CNTN3: variants seen among roughly 807,000 people sequenced by gnomAD.
The protein encoded by CNTN3 is contactin 3, also known as contactin-3.
A neutral mutation model predicts 119.1 loss-of-function variants in CNTN3; 60 were observed. The ratio of observed to expected loss-of-function variants is 0.50; its 90% confidence interval spans 0.41 to 0.62. CNTN3 has a LOEUF of 0.62. CNTN3 is among the 20% of genes least tolerant of loss of function. The pLI, the probability that CNTN3 is intolerant of heterozygous loss-of-function variation, is 0.00. For missense variants in CNTN3, 1,101 were observed against 1,242.4 expected, an observed-to-expected ratio of 0.89 and a Z score of 1.71; for synonymous variants, 450 against 438.7, an observed-to-expected ratio of 1.03 and a Z score of -0.32.
At chr3:74,499,222 T>C (rs928023852) in intron 3 of CNTN3, among the ~76,000 whole-genome samples, 8 of 151,902 alleles carry the variant, frequency 5.3e-5, no homozygotes, top group African/African-American at 1.4e-4. Flanking sequence ...TTGGTAAGAA[T>C]ACATTTTATT....
intron 1 of CNTN3, among the ~76,000 whole-genome samples, chr3:74,555,044 T>C (rs1192963670): frequency 6.6e-6 from 1 of 152,182 alleles, no homozygotes; most frequent in Non-Finnish European, 1.5e-5. Context: ...ATACTGGTTG[T>C]GGGTTTGTCA....
chr3:74,600,911 T>C (rs1244333110), intron 1 of CNTN3, among the ~76,000 whole-genome samples: 2 of 152,052 alleles, frequency 1.3e-5, no homozygotes, highest in Non-Finnish European at 2.9e-5. Context: ...CCTTGATCAT[T>C]CTACCTCAGT....
At chr3:74,463,414 C>A (rs184682697) in intron 4 of CNTN3, among the ~76,000 whole-genome samples, 1 of 152,062 alleles carries the variant, frequency 6.6e-6, no homozygotes, top group Non-Finnish European at 1.5e-5. Flanking sequence ...GAATTCCTAG[C>A]AGCTAGGAGA....
At chr3:74,524,194 C>T (rs1703583100) in intron 1 of CNTN3, among the ~76,000 whole-genome samples, 1 of 151,890 alleles carries the variant, frequency 6.6e-6, no homozygotes, top group African/African-American at 2.4e-5. Context: ...ACATTTAAAA[C>T]ATATAAATGT....
intron 4 of CNTN3, among the ~76,000 whole-genome samples, chr3:74,437,812 C>A (rs377479621): frequency 2.0e-5 from 3 of 151,960 alleles, no homozygotes; most frequent in Admixed American, 2.0e-4. Flanking sequence ...GAAATGAAGA[C>A]CTCCAGGTGG....
intron 4 of CNTN3, among the ~76,000 whole-genome samples, chr3:74,451,782 C>T (rs1271594328): frequency 2.0e-5 from 3 of 150,862 alleles, no homozygotes; most frequent in Admixed American, 1.3e-4. Context: ...ATCCTTTCCC[C>T]ATTGCTTGTT....
At chr3:74,349,680 A>G (rs1206589463) in intron 11 of CNTN3, among the ~76,000 whole-genome samples, 1 of 152,244 alleles carries the variant, frequency 6.6e-6, no homozygotes, top group East Asian at 1.9e-4. Context: ...CAAAAGTAGC[A>G]TGTAATGATA....
At chr3:74,316,029 C>T (rs1702823682) in intron 13 of CNTN3, among the ~76,000 whole-genome samples, 1 of 152,066 alleles carries the variant, frequency 6.6e-6, no homozygotes, top group African/African-American at 2.4e-5. Context: ...AGCTTCTGCA[C>T]AGCAAGATAA....
intron 4 of CNTN3, among the ~76,000 whole-genome samples, chr3:74,445,315 T>C (rs2106936040): frequency 6.6e-6 from 1 of 152,226 alleles, no homozygotes; most frequent in East Asian, 1.9e-4. Context: ...CAAACTGGAG[T>C]GCAGTGGTGG....
chr3:74,314,543 A>T (rs925792098), intron 13 of CNTN3, among the ~76,000 whole-genome samples: 2 of 152,216 alleles, frequency 1.3e-5, no homozygotes, highest in Admixed American at 6.5e-5. Flanking sequence ...GATTAAGGAA[A>T]GTTGTCAGGG....
In CNTN3 at chr3:74,575,070, T is replaced by C. The variant is rs571817398; in HGVS notation, c.-81+39321A>G. 1.8e-4 allele frequency among the ~76,000 whole-genome samples: 27 copies of C among 152,126 alleles called. No individual in the cohort carries two copies. The East Asian group carries it at 4.7e-3, about 26-fold the overall frequency. On this transcript the variant is annotated intron_variant, in intron 1 of 22. Transcript: ENST00000263665. The stretch of plus-strand genomic sequence containing the variant: ...TCCAAAGTAGCTGGGACAACAAGCA[T>C]GTGCCACCCTGCCTCATTTATTTCT...
intron 2 of CNTN3, among the ~76,000 whole-genome samples, chr3:74,507,626 C>CTTTTTTTTTTTTTTTT: frequency 9.6e-6 from 1 of 103,648 alleles, no homozygotes; most frequent in Non-Finnish European, 1.8e-5. Flanking sequence ...TTCTTTCTTT[C>CTTTTTTTTTTTTTTTT]TTTTTTTTTT....
At chr3:74,323,319 T>C (rs988610203) in intron 13 of CNTN3, among the ~76,000 whole-genome samples, 5 of 152,196 alleles carry the variant, frequency 3.3e-5, no homozygotes, top group Non-Finnish European at 5.9e-5. Context: ...AAATAAAGTT[T>C]ATTTTTTAAA....
intron 5 of CNTN3, among the ~76,000 whole-genome samples, chr3:74,399,049 A>G (rs1442034051): frequency 6.6e-6 from 1 of 152,144 alleles, no homozygotes; most frequent in Non-Finnish European, 1.5e-5. Context: ...ATTATATAAC[A>G]TATTATTATT....
intron 4 of CNTN3, among the ~76,000 whole-genome samples, chr3:74,475,155 TG>T (rs1351048508): frequency 6.6e-6 from 1 of 152,056 alleles, no homozygotes; most frequent in Non-Finnish European, 1.5e-5. Context: ...TACTCCTTAT[TG>T]CTTAAACAAA....
chr3:74,515,544 G>C (rs1703435862), intron 2 of CNTN3, among the ~76,000 whole-genome samples: 2 of 152,058 alleles, frequency 1.3e-5, no homozygotes, highest in Admixed American at 6.6e-5. Flanking sequence ...AGAATTATTT[G>C]ACGCAAGAAA....
intron 2 of CNTN3, among the ~76,000 whole-genome samples, chr3:74,506,701 T>C (rs1387931441): frequency 6.9e-6 from 1 of 144,354 alleles, no homozygotes; most frequent in Non-Finnish European, 1.5e-5. Flanking sequence ...ATGTGTACAA[T>C]ACACCAGGAG....
chr3:74,489,897 G>A (rs1429909085), intron 3 of CNTN3, among the ~76,000 whole-genome samples: 1 of 152,142 alleles, frequency 6.6e-6, no homozygotes, highest in Non-Finnish European at 1.5e-5. Flanking sequence ...CCACAGGGAA[G>A]GCATTCAACA....
chr3:74,425,198 A>C (rs976335526), intron 4 of CNTN3, among the ~76,000 whole-genome samples: 1 of 152,076 alleles, frequency 6.6e-6, no homozygotes, highest in Non-Finnish European at 1.5e-5. Flanking sequence ...TGAGTACAGA[A>C]CCCAACAGGT....
Sources: allele counts gnomAD v4.1 joint callset (sites outside exome capture counted in the v4.1 genomes callset), GRCh38; gene constraint gnomAD v4.1.1; transcripts MANE v1.5; gene names NCBI Gene and HGNC (gene_info 2026-07-23, HGNC 2026-07-21).